The following MARS1 variants were observed in gnomAD, a reference collection of about 807,000 sequenced individuals.
The protein encoded by MARS1 is methionyl-tRNA synthetase 1.
Under a neutral mutation model 119.5 loss-of-function variants are expected in MARS1, and 80 were observed. That is an observed-to-expected ratio of 0.67 (90% CI 0.56 to 0.81). The LOEUF is 0.81. Ranked by LOEUF, MARS1 falls within the 30% of genes least tolerant of loss-of-function variation. The pLI, the probability that MARS1 is intolerant of heterozygous loss-of-function variation, is 0.00. For synonymous variants in MARS1, 418 were observed against 433.4 expected (o/e 0.96, Z 0.44); for missense variants, 945 against 1,116.5 (o/e 0.85, Z 2.19).
At chr12:57,513,408 C>T (rs114325763) in intron 15 of MARS1, among the ~76,000 whole-genome samples, 2,990 of 151,890 alleles carry the variant, frequency 0.02, 99 homozygotes, top group African/African-American at 0.069. Context: ...CACTTGAGGC[C>T]GGGAGTTCAA....
In MARS1 at chr12:57,516,489, G is replaced by A. The variant is rs1877841672; in HGVS notation, c.2611G>A (p.Ala871Thr). 1 of 1,613,782 alleles carries A rather than the reference G, an allele frequency of 6.2e-7. No individual in the cohort carries two copies. Among genetic ancestry groups the A allele is most frequent in the Non-Finnish European group, 8.5e-7 (1 of 1,179,968 alleles). ...AAAGGCAGACAAGAACGAGGTTGCT[G>A]CGGAGGTGGCGAAACTCTTGGATCT... is the stretch of plus-strand genomic sequence containing the variant. ...AQKADKNEVA[A>T]EVAKLLDLKK... Residue 871 changes from alanine to threonine, a missense_variant, in exon 21 of 21, where the codon GCG (alanine) becomes ACG (threonine). By Grantham distance (58) the Ala-to-Thr change is moderately conservative. Coordinates refer to ENST00000262027, the MANE Select transcript of MARS1 (RefSeq NM_004990.4).
At chr12:57,488,796 C>G in intron 1 of MARS1, 1 of 867,302 alleles carries the variant, frequency 1.2e-6, no homozygotes, top group East Asian at 2.6e-5. Flanking sequence ...CTCTGCAGTC[C>G]CCATCTGTTG....
chr12:57,490,979 C>A (rs572598958), intron 7 of MARS1, among the ~76,000 whole-genome samples: 2 of 150,302 alleles, frequency 1.3e-5, no homozygotes. Flanking sequence ...CGGGTTCAAG[C>A]GAGTCTCCTG....
intron 15 of MARS1, among the ~76,000 whole-genome samples, chr12:57,514,495 G>GT: frequency 6.6e-6 from 1 of 152,148 alleles, no homozygotes; most frequent in Non-Finnish European, 1.5e-5. Context: ...AGGTACAGTT[G>GT]TTTAACTTAA....
chr12:57,493,907 T>C (rs866650816), intron 7 of MARS1, among the ~76,000 whole-genome samples: 1 of 59,922 alleles, frequency 1.7e-5, no homozygotes, highest in African/African-American at 7.7e-5. Flanking sequence ...TGTTATATAA[T>C]ATATATAATA....
Position 57,488,068 on chromosome 12 carries a change from A to C in MARS1, c.-23A>C. The C allele has an allele frequency of 6.2e-7, 1 of 1,607,530 alleles. No individual in the cohort carries two copies. Among genetic ancestry groups the C allele is most frequent in the South Asian group, 1.1e-5 (1 of 90,902 alleles). ...GAAGCGGGAGGCCGGTTCCGGTTGC[A>C]TCAGCGAGGGATTCACGGCGAAATG... On this transcript the variant is annotated 5_prime_UTR_variant, in exon 1 of 21. Transcript: ENST00000262027.
intron 10 of MARS1, among the ~76,000 whole-genome samples, 195 bp downstream of exon 10, chr12:57,500,717 T>G (rs1876880634): frequency 6.6e-6 from 1 of 152,250 alleles, no homozygotes; most frequent in Non-Finnish European, 1.5e-5. Context: ...TGCTGAGCAC[T>G]GTGCTAAGAA....
Position 57,498,566 on chromosome 12 carries a change from G to T in MARS1, c.1034G>T (p.Arg345Leu), listed in dbSNP as rs755272942. 8 of 1,614,188 alleles carry T rather than the reference G, an allele frequency of 5.0e-6. No homozygotes were observed. The highest frequency in any genetic ancestry group is 4.4e-5 in the South Asian group (4 of 91,088). The change falls in exon 9 of 21, where the codon CGC becomes CTC. Residue 345 changes from arginine (R) to leucine (L), a missense_variant. By Grantham distance (102) the Arg-to-Leu change is moderately radical (BLOSUM62 -2). Transcript: ENST00000262027. The part of the protein sequence containing the change: ...KYHIIHADIY[R>L]WFNISFDIFG... ...CACATCATCCATGCTGACATCTACC[G>T]CTGGTTTAACATTTCGTTTGATATT...
chr12:57,488,172 G>A lies in MARS1; in HGVS notation c.82G>A (p.Val28Met). 1 of 1,614,136 alleles carries A rather than the reference G, an allele frequency of 6.2e-7. No homozygotes were observed. Among genetic ancestry groups the A allele is most frequent in the Non-Finnish European group, 8.5e-7 (1 of 1,180,022 alleles). Residue 28 changes from valine to methionine, a missense_variant, in exon 1 of 21, where the codon GTG becomes ATG. Physicochemically the swap from Val to Met is conservative, Grantham distance 21. Coordinates refer to ENST00000262027, the MANE Select transcript of MARS1 (RefSeq NM_004990.4). The stretch of plus-strand genomic sequence containing the variant: ...CGGGAGAGCCCGGGGCAGAGCAGAG[G>A]TGCTCATCAGCACTGTAGGCCCGGA... ...AAGRARGRAEVLISTVGPEDC... is the reference protein window; with the variant it reads ...AAGRARGRAEMLISTVGPEDC...
At chr12:57,512,131 T>TGGG in intron 13 of MARS1, 28 bp downstream of exon 13, 1 of 1,610,238 alleles carries the variant, frequency 6.2e-7, no homozygotes. Flanking sequence ...AGGCTGTGCA[T>TGGG]GGGGAGGGTA....
chr12:57,492,001 C>G (rs932195200), intron 7 of MARS1, among the ~76,000 whole-genome samples: 1 of 152,060 alleles, frequency 6.6e-6, no homozygotes, highest in South Asian at 2.1e-4. Flanking sequence ...AAGTCCAGGC[C>G]GGGCGCGGTG....
intron 9 of MARS1, chr12:57,500,119 T>C (rs1013794799): frequency 5.0e-6 from 3 of 605,176 alleles, no homozygotes; most frequent in Middle Eastern, 4.7e-4. Context: ...GGAAAGATTA[T>C]GTGGGCAGTT....
intron 7 of MARS1, among the ~76,000 whole-genome samples, chr12:57,497,426 A>C (rs1427354044): frequency 1.3e-5 from 2 of 152,194 alleles, no homozygotes; most frequent in African/African-American, 2.4e-5. Context: ...GAAAGATGAT[A>C]GGAGCCTTAG....
chr12:57,512,819 C>G lies in MARS1; in HGVS notation c.1822C>G (p.Gln608Glu). ...RGVGVFGDMAQDTGIPADIWR... is the reference protein window; with the variant it reads ...RGVGVFGDMAEDTGIPADIWR... ...TGTGGGAGTGTTTGGGGACATGGCC[C>G]AGGACACGGGGATCCCTGCTGACAT... The change falls in exon 15 of 21, where the codon CAG becomes GAG. Residue 608 changes from glutamine (Q) to glutamate (E), a missense_variant. Coordinates refer to ENST00000262027, the MANE Select transcript of MARS1 (RefSeq NM_004990.4). The G allele has an allele frequency of 6.2e-7, 1 of 1,614,182 alleles. No homozygotes were observed. Among genetic ancestry groups the G allele is most frequent in the Non-Finnish European group, 8.5e-7 (1 of 1,180,030 alleles).
At chr12:57,509,555 T>A (rs1327910328) in intron 11 of MARS1, among the ~76,000 whole-genome samples, 1 of 151,680 alleles carries the variant, frequency 6.6e-6, no homozygotes. Context: ...TACAGGCACC[T>A]GCCACCACAC....
chr12:57,516,135 C>T (rs1397036608), intron 19 of MARS1, 110 bp from the exon 20 acceptor site: 1 of 1,356,842 alleles, frequency 7.4e-7, no homozygotes, highest in Admixed American at 1.7e-5. Flanking sequence ...CCTGTCTTAA[C>T]TAGAAGAGAC....
chr12:57,495,370 G>C (rs1354664438), intron 7 of MARS1, among the ~76,000 whole-genome samples: 1 of 151,458 alleles, frequency 6.6e-6, no homozygotes. Flanking sequence ...ACGGGGTCGC[G>C]GCCGGGCAGA....
intron 11 of MARS1, among the ~76,000 whole-genome samples, chr12:57,507,300 CT>C (rs1877230949): frequency 6.7e-6 from 1 of 149,280 alleles, no homozygotes; most frequent in African/African-American, 2.5e-5. Context: ...TTTTCCCCAC[CT>C]TTCCCCCCTT....
At chr12:57,506,830 CA>C (rs1801957865) in intron 11 of MARS1, among the ~76,000 whole-genome samples, 1 of 151,538 alleles carries the variant, frequency 6.6e-6, no homozygotes, top group Admixed American at 6.6e-5. Context: ...CACATACCAC[CA>C]TGCCTGGCTA....
Sources: gnomAD v4.1 joint callset for allele counts (sites outside exome capture counted in the v4.1 genomes callset) on GRCh38, gnomAD v4.1.1 for gene constraint, MANE v1.5 for transcripts, NCBI Gene and HGNC (gene_info 2026-07-23, HGNC 2026-07-21) for gene names.